GLIS3: variants seen among roughly 807,000 people sequenced by gnomAD.
GLIS3 encodes zinc finger protein GLIS3.
In GLIS3, 53 loss-of-function variants were observed where a neutral mutation model predicts 78.6. That is an observed-to-expected ratio of 0.67 (90% CI 0.54 to 0.85). GLIS3 has a LOEUF of 0.85. Ranked by LOEUF, GLIS3 falls within the 40% of genes least tolerant of loss-of-function variation. The pLI is 0.00. For synonymous variants in GLIS3, 684 were observed against 509.9 expected (o/e 1.34, Z -4.60); for missense variants, 1,703 against 1,231.1 (o/e 1.38, Z -5.74).
At chr9:3,953,786 T>TA in intron 4 of GLIS3, among the ~76,000 whole-genome samples, 1 of 41,148 alleles carries the variant, frequency 2.4e-5, no homozygotes, top group African/African-American at 9.1e-5. Flanking sequence ...TCTCTCTCTC[T>TA]CTCTCTCTCT....
At chr9:4,097,215 C>A (rs900430665) in intron 4 of GLIS3, among the ~76,000 whole-genome samples, 1 of 152,032 alleles carries the variant, frequency 6.6e-6, no homozygotes, top group Non-Finnish European at 1.5e-5. Context: ...CCACCAGAAG[C>A]CACAGAGAAC....
intron 8 of GLIS3, among the ~76,000 whole-genome samples, chr9:3,859,561 G>A (rs892693287): frequency 2.6e-5 from 4 of 152,144 alleles, no homozygotes; most frequent in African/African-American, 9.7e-5. Context: ...CTCTTATGGA[G>A]TATCTTATTC....
the GLIS3 span, among the ~76,000 whole-genome samples, chr9:4,457,973 G>A: frequency 2.6e-5 from 4 of 151,930 alleles, no homozygotes; most frequent in East Asian, 1.9e-4. Flanking sequence ...TTAGGACCAC[G>A]TTAGTTTCAC....
rs539478613 is a variant in GLIS3, at chr9:4,204,574, G to A, written c.389-78633C>T. Among the ~76,000 whole-genome samples the A allele has an allele frequency of 2.6e-5, 4 of 152,218 alleles. No homozygotes were observed. The East Asian group carries it at 7.7e-4, about 29-fold the overall frequency. The stretch of plus-strand genomic sequence containing the variant: ...AAGAAAAATGCAGAGAACCAGGGAG[G>A]TTGAACACACCAAGATGGAAGGGAG... On this transcript the variant is annotated intron_variant, in intron 2 of 10. Coordinates refer to ENST00000381971, the MANE Select transcript of GLIS3 (RefSeq NM_001042413.2).
intron 2 of GLIS3, among the ~76,000 whole-genome samples, chr9:4,138,473 T>C (rs1489665370): frequency 1.3e-5 from 2 of 152,144 alleles, no homozygotes; most frequent in East Asian, 3.9e-4. Flanking sequence ...CTGAATACAC[T>C]GGAGGAGGCT....
At chr9:4,195,338 G>A (rs761519082) in intron 2 of GLIS3, among the ~76,000 whole-genome samples, 4 of 152,204 alleles carry the variant, frequency 2.6e-5, no homozygotes, top group Admixed American at 6.5e-5. Flanking sequence ...CACGGTGCTC[G>A]CAGGCCAGCG....
the GLIS3 span, among the ~76,000 whole-genome samples, chr9:4,424,180 T>A: frequency 4.6e-5 from 7 of 152,200 alleles, no homozygotes; most frequent in Admixed American, 4.6e-4. Flanking sequence ...AAGAAGCCTA[T>A]GAGGTAGCAG....
At chr9:3,918,947 G>C (rs1430697539) in intron 6 of GLIS3, among the ~76,000 whole-genome samples, 1 of 152,152 alleles carries the variant, frequency 6.6e-6, no homozygotes, top group African/African-American at 2.4e-5. Flanking sequence ...GATCCCATAG[G>C]TGTGAGTTCT....
In GLIS3 at chr9:4,242,240, C is replaced by T. The variant is rs376452022; in HGVS notation, c.388+43798G>A. 2.3e-3 allele frequency among the ~76,000 whole-genome samples: 349 copies of T among 152,168 alleles called. 1 individual carries two copies. The highest frequency in any genetic ancestry group is 8.0e-3 in the African/African-American group (334 of 41,510). On this transcript the variant is annotated intron_variant, in intron 2 of 10. Coordinates refer to ENST00000381971, the MANE Select transcript of GLIS3 (RefSeq NM_001042413.2). ...AAACGCTACCATTTATGGTTCCCCA[C>T]GGTAACACAGGGCCGTCTTTTATCT...
intron 2 of GLIS3, among the ~76,000 whole-genome samples, chr9:4,336,718 T>C (rs1325409164): frequency 6.6e-6 from 1 of 152,240 alleles, no homozygotes; most frequent in African/African-American, 2.4e-5. Context: ...AAACGTGCGA[T>C]GTTCACTGCT....
At chr9:3,839,263 A>G (rs985130891) in intron 9 of GLIS3, among the ~76,000 whole-genome samples, 1 of 152,196 alleles carries the variant, frequency 6.6e-6, no homozygotes, top group Non-Finnish European at 1.5e-5. Context: ...AACCATTCTA[A>G]TATTTCTAAA....
At chr9:4,143,067 T>G (rs1166875916) in intron 2 of GLIS3, among the ~76,000 whole-genome samples, 1 of 151,980 alleles carries the variant, frequency 6.6e-6, no homozygotes, top group Admixed American at 6.6e-5. Flanking sequence ...AATAAAGATA[T>G]GTGTCTTTTT....
the GLIS3 span, among the ~76,000 whole-genome samples, chr9:4,416,166 C>G: frequency 7.0e-6 from 1 of 142,642 alleles, no homozygotes; most frequent in Non-Finnish European, 1.5e-5. Flanking sequence ...GCAAGAGGAT[C>G]GCTTGAGCCC....
chr9:4,025,741 A>G (rs1823282328), intron 4 of GLIS3, among the ~76,000 whole-genome samples: 1 of 152,146 alleles, frequency 6.6e-6, no homozygotes, highest in African/African-American at 2.4e-5. Context: ...CATAATTATT[A>G]AAAATTTTAA....
intron 4 of GLIS3, among the ~76,000 whole-genome samples, chr9:4,097,094 T>C (rs370039026): frequency 6.3e-4 from 96 of 152,254 alleles, no homozygotes; most frequent in Middle Eastern, 3.4e-3. Flanking sequence ...CCTTACTCCA[T>C]GGGGAGGGCT....
chr9:4,415,603 G>T, the GLIS3 span, among the ~76,000 whole-genome samples: 40 of 152,108 alleles, frequency 2.6e-4, no homozygotes, highest in Non-Finnish European at 5.3e-4. Flanking sequence ...TCACATGCAA[G>T]CCTGAAAAAA....
the GLIS3 span, among the ~76,000 whole-genome samples, chr9:4,479,952 G>A: frequency 4.2e-5 from 5 of 118,798 alleles, no homozygotes; most frequent in African/African-American, 1.3e-4. Context: ...ATGGGTTTTC[G>A]CCATGTTAGC....
intron 2 of GLIS3, among the ~76,000 whole-genome samples, chr9:4,186,023 T>C (rs975205719): frequency 1.3e-5 from 2 of 152,038 alleles, no homozygotes; most frequent in Non-Finnish European, 1.5e-5. Context: ...TTATTATACT[T>C]TAAGTTTTAG....
chr9:4,226,401 A>C (rs571285392), intron 2 of GLIS3, among the ~76,000 whole-genome samples: 63 of 152,266 alleles, frequency 4.1e-4, no homozygotes, highest in African/African-American at 1.5e-3. Context: ...ATGTTGAATA[A>C]ATGAAGAAAC....
Sources: allele counts gnomAD v4.1 joint callset (sites outside exome capture counted in the v4.1 genomes callset), GRCh38; gene constraint gnomAD v4.1.1; transcripts MANE v1.5; gene names NCBI Gene and HGNC (gene_info 2026-07-23, HGNC 2026-07-21).